Variants in APBB2 observed in about 807,000 individuals in gnomAD.
The protein encoded by APBB2 is Fe65-like 1.
In APBB2, 38 loss-of-function variants were observed where a neutral mutation model predicts 82.5. The observed-to-expected ratio is 0.46, with a 90% confidence interval of 0.36 to 0.60. The LOEUF (loss-of-function observed/expected upper bound fraction) is 0.60, where lower values mean the gene tolerates loss of function less well. Ranked by LOEUF, APBB2 falls within the 20% of genes least tolerant of loss-of-function variation. The pLI is 0.00. For missense variants in APBB2, 772 were observed against 972.3 expected (o/e 0.79, Z 2.74); for synonymous variants, 341 against 368.2 (o/e 0.93, Z 0.85).
At chr4:40,996,740 T>C (rs1460001578) in intron 6 of APBB2, among the ~76,000 whole-genome samples, 1 of 152,206 alleles carries the variant, frequency 6.6e-6, no homozygotes, top group Non-Finnish European at 1.5e-5. Flanking sequence ...TAGAGATTCA[T>C]CCTTTCCTCT....
At chr4:40,820,783 C>T (rs1407035931) in intron 17 of APBB2, among the ~76,000 whole-genome samples, 3 of 152,122 alleles carry the variant, frequency 2.0e-5, no homozygotes, top group Non-Finnish European at 2.9e-5. Context: ...TGATCTGGAC[C>T]GCACCTCCTT....
At chr4:41,210,124 C>G (rs1300724963) in intron 1 of APBB2, among the ~76,000 whole-genome samples, 1 of 152,196 alleles carries the variant, frequency 6.6e-6, no homozygotes, top group Non-Finnish European at 1.5e-5. Context: ...TGGTAAAGGT[C>G]ACTTGCCCGC....
chr4:40,873,278 T>A (rs1298261842), intron 12 of APBB2, among the ~76,000 whole-genome samples: 1 of 152,194 alleles, frequency 6.6e-6, no homozygotes. Flanking sequence ...CTCTCTTTTT[T>A]AAGAAGCACT....
chr4:40,869,816 G>A (rs905412163), intron 12 of APBB2, among the ~76,000 whole-genome samples: 1 of 151,920 alleles, frequency 6.6e-6, no homozygotes, highest in African/African-American at 2.4e-5. Context: ...TATTACCTAG[G>A]AAGGCTTGTG....
intron 12 of APBB2, among the ~76,000 whole-genome samples, chr4:40,887,487 A>G (rs1259030889): frequency 6.6e-6 from 1 of 152,234 alleles, no homozygotes; most frequent in African/African-American, 2.4e-5. Flanking sequence ...ATGCAAAGTG[A>G]AAAGCCCTTT....
intron 3 of APBB2, among the ~76,000 whole-genome samples, chr4:41,100,358 A>T (rs1022892877): frequency 1.3e-5 from 2 of 152,212 alleles, no homozygotes; most frequent in Non-Finnish European, 2.9e-5. Flanking sequence ...TTTGATGTTT[A>T]ATCACTTGCA....
rs1049282820 is a variant in APBB2, at chr4:40,838,164, AT to A, written c.1530-7588del. On this transcript the variant is annotated intron_variant, in intron 12 of 17. Coordinates refer to ENST00000508593, the MANE Select transcript of APBB2 (RefSeq NM_004307.2). ...TATTATTATTATTATTATTATTATT[AT>A]TATTATTATTATTTTGAGACAGATT... Among the ~76,000 whole-genome samples the A allele has an allele frequency of 2.7e-3, 397 of 147,180 alleles. 3 individuals carry two copies. Among genetic ancestry groups the A allele is most frequent in the African/African-American group, 9.4e-3 (375 of 39,922 alleles).
chr4:40,906,464 C>CAAAAAAAAAAAAAA, intron 10 of APBB2, among the ~76,000 whole-genome samples: 1 of 67,988 alleles, frequency 1.5e-5, no homozygotes, highest in Non-Finnish European at 2.6e-5. Flanking sequence ...AAACCTGTCT[C>CAAAAAAAAAAAAAA]AAAAAAAAAA....
rs1218972903 is a variant in APBB2 at position 40,813,897 on chromosome 4, C to T, written c.*2195G>A. On this transcript the variant is annotated 3_prime_UTR_variant, in exon 18 of 18. Transcript: ENST00000508593. ...GGGCACAGCAAGGATTTTCTTAATGCAGTAATTTCTTATGATGGCACTGGT... is the reference window on the plus strand; with the variant it reads ...GGGCACAGCAAGGATTTTCTTAATGTAGTAATTTCTTATGATGGCACTGGT... The T allele has an allele frequency of 1.3e-5, 2 of 152,258 alleles. No individual in the cohort carries two copies. The highest frequency in any genetic ancestry group is 4.8e-5 in the African/African-American group (2 of 41,556). The allele number at this position is 152,258 out of a possible 1,614,324, so 9.4% of individuals were successfully genotyped here.
At chr4:41,128,213 T>C (rs774627771) in intron 2 of APBB2, among the ~76,000 whole-genome samples, 3 of 152,174 alleles carry the variant, frequency 2.0e-5, no homozygotes, top group Non-Finnish European at 4.4e-5. Flanking sequence ...AAAACCACAA[T>C]GATATACTGT....
intron 10 of APBB2, among the ~76,000 whole-genome samples, chr4:40,927,453 CA>C (rs1782897393): frequency 6.6e-6 from 1 of 152,090 alleles, no homozygotes; most frequent in Admixed American, 6.5e-5. Flanking sequence ...TACTTCCAAG[CA>C]AAAGAAATTC....
intron 12 of APBB2, among the ~76,000 whole-genome samples, chr4:40,858,163 A>G (rs1761881007): frequency 6.6e-6 from 1 of 152,146 alleles, no homozygotes; most frequent in South Asian, 2.1e-4. Flanking sequence ...TGGCTAAGTG[A>G]CAGCACTTTC....
Position 40,814,202 on chromosome 4 carries a change from T to C in APBB2, c.*1890A>G, listed in dbSNP as rs1337348343. 1 of 152,150 alleles carries C rather than the reference T, an allele frequency of 6.6e-6. No individual in the cohort carries two copies. Among genetic ancestry groups the C allele is most frequent in the Non-Finnish European group, 1.5e-5 (1 of 68,012 alleles). The allele number at this position is 152,150 out of a possible 1,614,324, so 9.4% of individuals were successfully genotyped here. ...TGTAGAATCCTGCCCTCTACAACACTTTTGAGGCACGCTGTAGGAAAACAG... is the reference window on the plus strand; with the variant it reads ...TGTAGAATCCTGCCCTCTACAACACCTTTGAGGCACGCTGTAGGAAAACAG... On this transcript the variant is annotated 3_prime_UTR_variant, in exon 18 of 18. Transcript: ENST00000508593.
chr4:40,963,708 G>GCTGACAAAAATA (rs1268439857), intron 6 of APBB2, among the ~76,000 whole-genome samples: 1 of 152,216 alleles, frequency 6.6e-6, no homozygotes, highest in Non-Finnish European at 1.5e-5. Context: ...CTTCCTCACT[G>GCTGACAAAAATA]CTGACAAAAA....
At chr4:41,164,916 T>G (rs1191604839) in intron 1 of APBB2, among the ~76,000 whole-genome samples, 1 of 152,240 alleles carries the variant, frequency 6.6e-6, no homozygotes, top group South Asian at 2.1e-4. Context: ...AAAATTAACA[T>G]AGAGTCCATC....
At chr4:41,161,017 C>T (rs1402143580) in intron 1 of APBB2, among the ~76,000 whole-genome samples, 2 of 151,970 alleles carry the variant, frequency 1.3e-5, no homozygotes, top group African/African-American at 4.8e-5. Context: ...CCGAGCCTGA[C>T]CTCTTAATCA....
At chr4:41,195,732 T>C in intron 1 of APBB2, among the ~76,000 whole-genome samples, 1 of 150,174 alleles carries the variant, frequency 6.7e-6, no homozygotes, top group Non-Finnish European at 1.5e-5. Context: ...TCCTTCTGAC[T>C]CCTCTGCTCC....
intron 5 of APBB2, among the ~76,000 whole-genome samples, chr4:41,023,670 A>T (rs897862602): frequency 6.6e-6 from 1 of 152,214 alleles, no homozygotes; most frequent in Non-Finnish European, 1.5e-5. Flanking sequence ...ACACTGTTCA[A>T]AGAAATCAGA....
intron 1 of APBB2, among the ~76,000 whole-genome samples, chr4:41,179,544 T>C (rs937145897): frequency 2.6e-4 from 39 of 152,222 alleles, no homozygotes; most frequent in Admixed American, 2.5e-3. Flanking sequence ...AACACACAAT[T>C]AAAATGGAAC....
Sources: allele counts gnomAD v4.1 joint callset (sites outside exome capture counted in the v4.1 genomes callset), GRCh38; gene constraint gnomAD v4.1.1; transcripts MANE v1.5; gene names NCBI Gene and HGNC (gene_info 2026-07-23, HGNC 2026-07-21).